ASIC2: variants seen among roughly 807,000 people sequenced by gnomAD.
ASIC2 encodes acid sensing ion channel subunit 2, also known as acid-sensing ion channel 2.
ASIC2 carries 25 observed loss-of-function variants against 57.3 expected under a neutral mutation model. The observed-to-expected ratio is 0.44, with a 90% confidence interval of 0.32 to 0.61. The LOEUF (loss-of-function observed/expected upper bound fraction) is 0.61, where lower values mean the gene tolerates loss of function less well. Among genes scored for constraint, ASIC2 ranks in the 20% least tolerant of loss-of-function variants. The pLI, the probability that ASIC2 is intolerant of heterozygous loss-of-function variation, is 0.06. For synonymous variants in ASIC2, 319 were observed against 307.5 expected, an observed-to-expected ratio of 1.04 and a Z score of -0.39; for missense variants, 641 against 738.1, an observed-to-expected ratio of 0.87 and a Z score of 1.52.
intron 3 of ASIC2, among the ~76,000 whole-genome samples, chr17:33,040,372 G>A (rs1395374425): frequency 6.6e-6 from 1 of 152,246 alleles, no homozygotes; most frequent in African/African-American, 2.4e-5. Context: ...TGTCAGCAAT[G>A]CAATGTAGTG....
intron 1 of ASIC2, among the ~76,000 whole-genome samples, chr17:33,573,547 C>T (rs1176019602): frequency 6.6e-6 from 1 of 152,068 alleles, no homozygotes; most frequent in Admixed American, 6.6e-5. Flanking sequence ...TGTTTGCCTG[C>T]TTTAAATCTT....
At chr17:33,134,043 C>A (rs898516768) in intron 1 of ASIC2, among the ~76,000 whole-genome samples, 1 of 152,188 alleles carries the variant, frequency 6.6e-6, no homozygotes, top group African/African-American at 2.4e-5. Context: ...ATGCACTCAA[C>A]ATCCAATCTC....
At chr17:33,258,860 C>T (rs1909178260) in intron 1 of ASIC2, among the ~76,000 whole-genome samples, 1 of 152,210 alleles carries the variant, frequency 6.6e-6, no homozygotes, top group Admixed American at 6.5e-5. Flanking sequence ...CTCCTAACCA[C>T]TAGGATACAT....
chr17:34,093,074 G>A (rs1910389924), intron 1 of ASIC2, among the ~76,000 whole-genome samples: 3 of 152,108 alleles, frequency 2.0e-5, no homozygotes, highest in Non-Finnish European at 4.4e-5. Flanking sequence ...TATTATTTCA[G>A]AACACCACAA....
intron 1 of ASIC2, among the ~76,000 whole-genome samples, chr17:33,315,326 C>T (rs993435830): frequency 7.2e-5 from 11 of 152,012 alleles, no homozygotes; most frequent in South Asian, 4.2e-4. Flanking sequence ...TGGGCCTGCC[C>T]GCTATGGCTA....
intron 1 of ASIC2, among the ~76,000 whole-genome samples, chr17:34,052,847 G>T (rs1234476004): frequency 6.6e-6 from 1 of 151,912 alleles, no homozygotes; most frequent in African/African-American, 2.4e-5. Flanking sequence ...TCAAACTCCT[G>T]ACCTCAGGTG....
intron 3 of ASIC2, among the ~76,000 whole-genome samples, chr17:33,079,748 C>A (rs370516247): frequency 1.3e-5 from 2 of 152,062 alleles, no homozygotes; most frequent in East Asian, 3.8e-4. Context: ...TGGGCACTTA[C>A]GGTATGCCAA....
chr17:33,055,898 G>A (rs183850967), intron 3 of ASIC2, among the ~76,000 whole-genome samples: 1 of 152,166 alleles, frequency 6.6e-6, no homozygotes, highest in Non-Finnish European at 1.5e-5. Context: ...GTTGTCAACC[G>A]CACTCTGCGT....
At chr17:33,130,168 C>A (rs1460349162) in intron 1 of ASIC2, among the ~76,000 whole-genome samples, 1 of 152,106 alleles carries the variant, frequency 6.6e-6, no homozygotes, top group African/African-American at 2.4e-5. Context: ...AGGGGTTCAG[C>A]ACAAAAATTT....
At chr17:33,597,981 A>G (rs1195399118) in intron 1 of ASIC2, among the ~76,000 whole-genome samples, 3 of 152,138 alleles carry the variant, frequency 2.0e-5, no homozygotes, top group Non-Finnish European at 4.4e-5. Context: ...CTCCGAATGT[A>G]TCTATTTTAT....
chr17:34,013,459 C>T (rs1197941603), intron 1 of ASIC2, among the ~76,000 whole-genome samples: 1 of 152,174 alleles, frequency 6.6e-6, no homozygotes, highest in Non-Finnish European at 1.5e-5. Flanking sequence ...TCAATAAGAC[C>T]CTTGAGGAGA....
chr17:33,831,106 CAAAAAAAAAAAAAAAAAA>C (rs56841196), intron 1 of ASIC2, among the ~76,000 whole-genome samples: 10 of 22,964 alleles, frequency 4.4e-4, no homozygotes, highest in African/African-American at 1.6e-3. Context: ...AAGGCTCTGT[CAAAAAAAAAAAAAAAAAA>C]AAAAAAAAAA....
At chr17:33,787,062 A>G (rs904674648) in intron 1 of ASIC2, among the ~76,000 whole-genome samples, 5 of 152,240 alleles carry the variant, frequency 3.3e-5, no homozygotes, top group Admixed American at 3.3e-4. Context: ...GCTAATGGGT[A>G]CTTCCAAAGT....
At chr17:33,827,180 GAGA>G (rs1757098835) in intron 1 of ASIC2, among the ~76,000 whole-genome samples, 1 of 152,014 alleles carries the variant, frequency 6.6e-6, no homozygotes, top group Non-Finnish European at 1.5e-5. Context: ...CAATCATTGA[GAGA>G]AGGTTTGTCT....
At chr17:33,558,262 G>A (rs924777284) in intron 1 of ASIC2, among the ~76,000 whole-genome samples, 3 of 152,150 alleles carry the variant, frequency 2.0e-5, no homozygotes, top group Non-Finnish European at 4.4e-5. Flanking sequence ...CTATGGATCA[G>A]AGTTTTCTAT....
At chr17:33,295,966 G>A (rs959763956), upstream of ASIC2, among the ~76,000 whole-genome samples, 4 of 152,076 alleles carry the variant, frequency 2.6e-5, no homozygotes, top group Non-Finnish European at 4.4e-5. Context: ...TTACAGGAGT[G>A]TGCTACCATG....
At chr17:33,306,180 T>C (rs1906163463) in intron 1 of ASIC2, among the ~76,000 whole-genome samples, 1 of 152,232 alleles carries the variant, frequency 6.6e-6, no homozygotes, top group African/African-American at 2.4e-5. Flanking sequence ...AAAACAGTTC[T>C]AACGTTCATG....
At chr17:33,052,685 T>C (rs1006969096) in intron 3 of ASIC2, 1 of 152,250 alleles carries the variant, frequency 6.6e-6, no homozygotes, top group East Asian at 1.9e-4. Context: ...AGGCAAATCG[T>C]GCCCACTGAG....
intron 1 of ASIC2, among the ~76,000 whole-genome samples, chr17:33,932,871 A>G (rs1351997132): frequency 6.6e-6 from 1 of 151,448 alleles, no homozygotes; most frequent in African/African-American, 2.4e-5. Flanking sequence ...GCTGTCCTAG[A>G]AGCATTTTAG....
Sources: gnomAD v4.1 joint callset for allele counts (sites outside exome capture counted in the v4.1 genomes callset) on GRCh38, gnomAD v4.1.1 for gene constraint, MANE v1.5 for transcripts, NCBI Gene and HGNC (gene_info 2026-07-23, HGNC 2026-07-21) for gene names.